The following GALNT9 variants were observed in gnomAD, a reference collection of about 807,000 sequenced individuals.
GALNT9 encodes the protein GalNAc transferase 9.
A neutral mutation model predicts 63.1 loss-of-function variants in GALNT9; 47 were observed. That is an observed-to-expected ratio of 0.75 (90% CI 0.59 to 0.95). GALNT9 has a LOEUF of 0.95. Among genes scored for constraint, GALNT9 ranks in the 40% least tolerant of loss-of-function variants. The probability of loss-of-function intolerance (pLI) is 0.00; values close to 1 mark genes in which losing one functional copy is unlikely to be tolerated. For synonymous variants in GALNT9, 396 were observed against 365.7 expected, an observed-to-expected ratio of 1.08 and a Z score of -0.94; for missense variants, 829 against 874.8, an observed-to-expected ratio of 0.95 and a Z score of 0.66.
intron 8 of GALNT9, 29 bp from the exon 9 acceptor site, chr12:132,199,298 C>G (rs1389540077): frequency 6.5e-7 from 1 of 1,527,566 alleles, no homozygotes; most frequent in Non-Finnish European, 9.0e-7. Flanking sequence ...GGAGAAAGTC[C>G]AGAGTCACCC....
At position 132,257,778 on chromosome 12, in the gene GALNT9, G is replaced by A. The variant is rs1165591417; in HGVS notation, c.870C>T (p.Ala290=). ...AGAGGCCCCAGTTGTAGCCATGGGC[G>A]GCGTTCGCATACTGCTGCACCTCAA... ...STFEVQQYAN[A]AHGYNWGLWC... The change falls in exon 5 of 11, where the codon GCC becomes GCT. Residue 290 remains alanine, a synonymous_variant. Transcript: ENST00000328957. 13 of 1,550,362 alleles carry A rather than the reference G, an allele frequency of 8.4e-6. No individual in the cohort carries two copies. The highest frequency in any genetic ancestry group is 2.7e-5 in the African/African-American group (2 of 73,044).
rs1875547175 is a variant in GALNT9, at chr12:132,196,955, C to G, written c.*152G>C. 2 of 1,475,012 alleles carry G rather than the reference C, an allele frequency of 1.4e-6. No homozygotes were observed. Among genetic ancestry groups the G allele is most frequent in the South Asian group, 1.4e-5 (1 of 71,658 alleles). The allele number at this position is 1,475,012 out of a possible 1,614,324, so 91.4% of individuals were successfully genotyped here. A position where few individuals can be genotyped will look rare whatever the true frequency, so the allele number is the denominator to read the frequency against. On this transcript the variant is annotated 3_prime_UTR_variant, in exon 11 of 11. Transcript: ENST00000328957. ...GATGCAGTGGGTGACACCCTGGTCA[C>G]TCAGCCACACCCCGGCCCCTCAGCC...
rs782104528 is a variant in GALNT9 at position 132,310,988 on chromosome 12, G to C, written c.238+17978C>G. On this transcript the variant is annotated intron_variant, in intron 1 of 10. Transcript: ENST00000328957. This position sits in a 1 kb window ranked among gnomAD's most constrained non-coding sequence, Gnocchi z 4.8. ...CGCTGGCAGCCCAAGACAGGGACTC[G>C]GCCGCAGCTAAAGTTTCCCATAATT... Among the ~76,000 whole-genome samples, 2 of 152,210 alleles carry C rather than the reference G, an allele frequency of 1.3e-5. No homozygotes were observed. The highest frequency in any genetic ancestry group is 1.3e-4 in the Admixed American group (2 of 15,282).
At chr12:132,222,739 C>T (rs1877496590) in intron 6 of GALNT9, among the ~76,000 whole-genome samples, 1 of 151,822 alleles carries the variant, frequency 6.6e-6, no homozygotes, top group Non-Finnish European at 1.5e-5. Context: ...CTGAGTGCTG[C>T]AAGACCTGGG....
chr12:132,202,980 C>G (rs1024979715), intron 7 of GALNT9, among the ~76,000 whole-genome samples: 7 of 152,206 alleles, frequency 4.6e-5, no homozygotes, highest in Non-Finnish European at 1.0e-4. Context: ...ACGAGTGGAT[C>G]CACACGAGGG....
chr12:132,307,374 T>A (rs1881651697), intron 1 of GALNT9, among the ~76,000 whole-genome samples: 1 of 152,116 alleles, frequency 6.6e-6, no homozygotes, highest in Non-Finnish European at 1.5e-5. Context: ...TGTGGTGGGA[T>A]AAATAACCGA....
In GALNT9 at chr12:132,219,935, C is replaced by G. The variant is rs528963742; in HGVS notation, c.1078-16245G>C. ...GGGAAGGGGCACCTCCCCAGGGTGA[C>G]ACCCGCCTGGGTAAGGGGAAGGGGC... On this transcript the variant is annotated intron_variant, in intron 6 of 10. Transcript: ENST00000328957. 2.0e-5 allele frequency among the ~76,000 whole-genome samples: 3 copies of G among 152,316 alleles called. No individual in the cohort carries two copies. In the East Asian group the frequency reaches 5.8e-4, roughly 29 times the overall value.
At chr12:132,298,975 A>G (rs1327291039) in intron 1 of GALNT9, among the ~76,000 whole-genome samples, 1 of 145,908 alleles carries the variant, frequency 6.9e-6, no homozygotes, top group Non-Finnish European at 1.5e-5. Flanking sequence ...CACTCCCATA[A>G]CTAACCCACT....
chr12:132,303,506 C>T (rs1163160605), intron 1 of GALNT9, among the ~76,000 whole-genome samples: 1 of 129,734 alleles, frequency 7.7e-6, no homozygotes, highest in Non-Finnish European at 1.7e-5. Flanking sequence ...GACACACCCT[C>T]GCCTGGGCAC....
At chr12:132,206,399 G>C (rs1167985825) in intron 6 of GALNT9, among the ~76,000 whole-genome samples, 2 of 152,226 alleles carry the variant, frequency 1.3e-5, no homozygotes, top group African/African-American at 4.8e-5. Context: ...TGTAATTCCA[G>C]CACTTTGGGA....
intron 6 of GALNT9, among the ~76,000 whole-genome samples, chr12:132,215,077 C>T (rs115346051): frequency 0.041 from 6,180 of 152,326 alleles, 152 homozygotes; most frequent in Middle Eastern, 0.082. Context: ...CTGTCCTGCC[C>T]GTTTAAGGGC....
rs368107363 is a variant in GALNT9 at position 132,287,523 on chromosome 12, G to A, written c.239-1093C>T. Among the ~76,000 whole-genome samples the A allele has an allele frequency of 9.8e-5, 15 of 152,298 alleles. No individual in the cohort carries two copies. The East Asian group carries it at 2.7e-3, about 27-fold the overall frequency. On this transcript the variant is annotated intron_variant, in intron 1 of 10. Coordinates refer to ENST00000328957, the MANE Select transcript of GALNT9 (RefSeq NM_001122636.2). ...CGTCGACACAGGCAGCAGCCGAGACGTGGCTCACACACGTGACGCCAAGCC... is the reference window on the plus strand; with the variant it reads ...CGTCGACACAGGCAGCAGCCGAGACATGGCTCACACACGTGACGCCAAGCC...
intron 6 of GALNT9, among the ~76,000 whole-genome samples, chr12:132,239,265 G>GAGAGACACAGAGAC (rs1266785997): frequency 6.6e-6 from 1 of 151,388 alleles, no homozygotes; most frequent in Non-Finnish European, 1.5e-5. Flanking sequence ...CTGAGAGACA[G>GAGAGACACAGAGAC]AGAGACACAG....
intron 6 of GALNT9, among the ~76,000 whole-genome samples, chr12:132,207,547 T>TA (rs1876770170): frequency 6.6e-6 from 1 of 152,116 alleles, no homozygotes. Flanking sequence ...CGAGGCCCCT[T>TA]CTTGGGTGAA....
intron 2 of GALNT9, among the ~76,000 whole-genome samples, chr12:132,270,317 T>C (rs1019821349): frequency 6.6e-6 from 1 of 152,084 alleles, no homozygotes; most frequent in Admixed American, 6.5e-5. Context: ...TGAAATACGA[T>C]CACCAGGAAC....
At chr12:132,201,516 C>T (rs1031710630) in intron 7 of GALNT9, among the ~76,000 whole-genome samples, 25 of 152,308 alleles carry the variant, frequency 1.6e-4, no homozygotes, top group African/African-American at 5.5e-4. Context: ...GCCCCTGCTG[C>T]AGCCGGCTCG....
At chr12:132,304,343 G>A in intron 1 of GALNT9, among the ~76,000 whole-genome samples, 2 of 92,750 alleles carry the variant, frequency 2.2e-5, no homozygotes, top group Non-Finnish European at 4.3e-5. Flanking sequence ...ACCCTCGCCT[G>A]GGCACACCCT....
intron 4 of GALNT9, 22 bp from the exon 5 acceptor site, chr12:132,257,908 G>A (rs1879202672): frequency 4.7e-6 from 7 of 1,484,174 alleles, no homozygotes; most frequent in African/African-American, 1.4e-5. Flanking sequence ...CAGCTGTGAG[G>A]AGGGGCGGCC....
intron 6 of GALNT9, chr12:132,240,473 G>C (rs1555236812): frequency 5.2e-6 from 2 of 383,080 alleles, no homozygotes; most frequent in East Asian, 1.4e-4. Flanking sequence ...AGCAAGAATA[G>C]CCGTGCCCAG....
Sources: allele counts gnomAD v4.1 joint callset (sites outside exome capture counted in the v4.1 genomes callset), GRCh38; gene constraint gnomAD v4.1.1; non-coding constraint Gnocchi (gnomAD v3.1); transcripts MANE v1.5; gene names NCBI Gene and HGNC (gene_info 2026-07-23, HGNC 2026-07-21).